The following SUSD5 variants were observed in gnomAD, a reference collection of about 807,000 sequenced individuals.
The protein encoded by SUSD5 is sushi domain-containing protein 5.
Under a neutral mutation model 29.5 loss-of-function variants are expected in SUSD5, and 33 were observed. The observed-to-expected ratio is 1.12, with a 90% CI of 0.85 to 1.49. SUSD5 has a LOEUF of 1.49. Ranked by LOEUF, SUSD5 falls within the 40% of genes most tolerant of loss-of-function variation. The pLI, the probability that SUSD5 is intolerant of heterozygous loss-of-function variation, is 0.00. For synonymous variants in SUSD5, 308 were observed against 325.3 expected, an observed-to-expected ratio of 0.95 and a Z score of 0.57; for missense variants, 776 against 800.6, an observed-to-expected ratio of 0.97 and a Z score of 0.37.
intron 4 of SUSD5, among the ~76,000 whole-genome samples, chr3:33,169,024 T>C (rs1419285006): frequency 2.6e-5 from 4 of 152,210 alleles, no homozygotes; most frequent in African/African-American, 9.6e-5. Flanking sequence ...AACCTTCCTG[T>C]ACCTCAGTGT....
chr3:33,208,864 T>C (rs1362747675), intron 2 of SUSD5, among the ~76,000 whole-genome samples: 1 of 152,214 alleles, frequency 6.6e-6, no homozygotes, highest in Non-Finnish European at 1.5e-5. Context: ...AGTGTTACTG[T>C]TACTGCTTCA....
chr3:33,191,933 T>C (rs2031899201), intron 3 of SUSD5, among the ~76,000 whole-genome samples: 4 of 152,194 alleles, frequency 2.6e-5, no homozygotes. Flanking sequence ...GTTAAGATCC[T>C]GTCTCTAAAA....
rs1448814020 is a variant in SUSD5 at position 33,204,557 on chromosome 3, G to A, written c.409+3251C>T. On this transcript the variant is annotated intron_variant, in intron 3 of 4. Coordinates refer to ENST00000309558, the MANE Select transcript of SUSD5 (RefSeq NM_015551.2). This position sits in a 1 kb window ranked among gnomAD's most constrained non-coding sequence, Gnocchi z 4.5. ...AGGATGGTCTCGATCTCCTGACCTC[G>A]TGATACACCCACCTCGGCCTCCCAA... is the stretch of plus-strand genomic sequence containing the variant. Among the ~76,000 whole-genome samples the A allele has an allele frequency of 6.6e-5, 10 of 152,010 alleles. No individual in the cohort carries two copies. The highest frequency in any genetic ancestry group is 2.2e-4 in the African/African-American group (9 of 41,384).
chr3:33,164,504 C>T (rs6781205), intron 4 of SUSD5, among the ~76,000 whole-genome samples: 82,719 of 151,524 alleles, frequency 0.55, 24,209 homozygotes, highest in Middle Eastern at 0.66. Flanking sequence ...GTTTTTATCA[C>T]AATTTTTTTA....
chr3:33,154,043 AAG>A lies in SUSD5; in HGVS notation c.599-12_599-11del. ...TGTGCCTCAGCCTCATCTGGAAGAAAAGAGGGAAAAAACCTCATTAGCTCCAA... is the reference window on the plus strand; with the variant it reads ...TGTGCCTCAGCCTCATCTGGAAGAAAAGGGAAAAAACCTCATTAGCTCCAA... On this transcript the variant is annotated splice_polypyrimidine_tract_variant and intron_variant, in intron 4 of 4. Transcript: ENST00000309558. 6.4e-7 allele frequency: 1 copy of A among 1,560,082 alleles called. No homozygotes were observed. The highest frequency in any genetic ancestry group is 8.6e-7 in the Non-Finnish European group (1 of 1,158,468).
At chr3:33,207,447 T>C (rs2032242699) in intron 3 of SUSD5, among the ~76,000 whole-genome samples, 1 of 152,188 alleles carries the variant, frequency 6.6e-6, no homozygotes, top group Non-Finnish European at 1.5e-5. Context: ...TTATATCTCC[T>C]GAAGCAACCC....
rs1260624956 is a variant in SUSD5, at chr3:33,167,573, T to TC, written c.598+7312dup. ...GGCCCCGAACTAAGCTCTTCCTGTC[T>TC]CCCCAGGTTCGCAGGTCAAGGTCCT... On this transcript the variant is annotated intron_variant, in intron 4 of 4. Transcript: ENST00000309558. The surrounding 1 kb of genome is among the most constrained non-coding windows in gnomAD (Gnocchi z 4.1). Among the ~76,000 whole-genome samples, 4 of 152,100 alleles carry TC rather than the reference T, an allele frequency of 2.6e-5. No individual in the cohort carries two copies. The highest frequency in any genetic ancestry group is 2.9e-5 in the Non-Finnish European group (2 of 68,014).
Position 33,153,573 on chromosome 3 carries a change from C to T in SUSD5, c.1059G>A (p.Lys353=). 6.2e-7 allele frequency: 1 copy of T among 1,614,032 alleles called. No homozygotes were observed. The highest frequency in any genetic ancestry group is 1.3e-5 in the African/African-American group (1 of 75,058). Residue 353 remains lysine (K), a synonymous_variant, in exon 5 of 5, where the codon AAG becomes AAA. Coordinates refer to ENST00000309558, the MANE Select transcript of SUSD5 (RefSeq NM_015551.2). ...CTGGATCTCCTGCCTTGCTGTCATT[C>T]TTGCCCACAAATGGCCCCGAGGGAC... ...TDGPSGPFVG[K]NDSKAGDPVV...
At chr3:33,188,187 T>C (rs958104153) in intron 3 of SUSD5, among the ~76,000 whole-genome samples, 1 of 152,248 alleles carries the variant, frequency 6.6e-6, no homozygotes, top group Non-Finnish European at 1.5e-5. Flanking sequence ...TTAGAACTCA[T>C]ATGAAAGTTG....
chr3:33,186,853 ACTCTCT>A (rs1559451813), intron 3 of SUSD5, among the ~76,000 whole-genome samples: 46 of 152,018 alleles, frequency 3.0e-4, no homozygotes, highest in Admixed American at 6.6e-4. Flanking sequence ...AACTACCTTG[ACTCTCT>A]GAGTCAAGGA....
At chr3:33,195,029 T>C (rs569186296) in intron 3 of SUSD5, among the ~76,000 whole-genome samples, 2 of 152,208 alleles carry the variant, frequency 1.3e-5, no homozygotes, top group South Asian at 2.1e-4. Flanking sequence ...ACCCCGTCTC[T>C]ACTAAAAATA....
intron 3 of SUSD5, among the ~76,000 whole-genome samples, chr3:33,191,634 A>G (rs1461410593): frequency 6.6e-6 from 1 of 151,686 alleles, no homozygotes; most frequent in Non-Finnish European, 1.5e-5. Flanking sequence ...CAAGTTGAAT[A>G]TGAGTGTTTA....
At chr3:33,202,421 T>G (rs1270395700) in intron 3 of SUSD5, among the ~76,000 whole-genome samples, 1 of 152,034 alleles carries the variant, frequency 6.6e-6, no homozygotes, top group South Asian at 2.1e-4. Flanking sequence ...TTTGATGACA[T>G]GAAGGAAGGG....
chr3:33,207,948 C>A (rs778258917), intron 2 of SUSD5, 22 bp from the exon 3 acceptor site: 3 of 1,570,712 alleles, frequency 1.9e-6, no homozygotes, highest in Non-Finnish European at 2.6e-6. Context: ...AAAAAAGGCA[C>A]TGAATGAGGA....
At chr3:33,200,334 G>A (rs914747665) in intron 3 of SUSD5, among the ~76,000 whole-genome samples, 4 of 152,186 alleles carry the variant, frequency 2.6e-5, no homozygotes, top group African/African-American at 9.7e-5. Flanking sequence ...TTTTTAAATA[G>A]CAGCCTAAGC....
chr3:33,166,618 C>T (rs888057856), intron 4 of SUSD5, among the ~76,000 whole-genome samples: 1 of 152,192 alleles, frequency 6.6e-6, no homozygotes, highest in Non-Finnish European at 1.5e-5. Context: ...GCATGTCCCC[C>T]CTGCCTTTGT....
chr3:33,151,704 T>G lies in SUSD5; in HGVS notation c.*1038A>C, dbSNP rs1234316072. 6.6e-6 allele frequency: 1 copy of G among 152,220 alleles called. No homozygotes were observed. The highest frequency in any genetic ancestry group is 2.4e-5 in the African/African-American group (1 of 41,442). The allele number at this position is 152,220 out of a possible 1,614,324, so 9.4% of individuals were successfully genotyped here. On this transcript the variant is annotated 3_prime_UTR_variant, in exon 5 of 5. Transcript: ENST00000309558. Reference sequence around the variant, plus strand: ...TCAAGGACAACTAGGCCACTGCTTCTGAGAGGAAATGGTACTTACTGGTAC... The same window carrying G: ...TCAAGGACAACTAGGCCACTGCTTCGGAGAGGAAATGGTACTTACTGGTAC...
At chr3:33,189,128 C>T (rs1447707605) in intron 3 of SUSD5, among the ~76,000 whole-genome samples, 3 of 152,184 alleles carry the variant, frequency 2.0e-5, no homozygotes, top group Non-Finnish European at 4.4e-5. Flanking sequence ...ATTACTAATA[C>T]ATGGAAATCT....
rs2030967375 is a variant in SUSD5 at position 33,153,473 on chromosome 3, C to T, written c.1159G>A (p.Glu387Lys). 1 of 1,614,012 alleles carries T rather than the reference C, an allele frequency of 6.2e-7. No individual in the cohort carries two copies. The highest frequency in any genetic ancestry group is 8.5e-7 in the Non-Finnish European group (1 of 1,180,018). Residue 387 changes from glutamate (E) to lysine (K), a missense_variant, in exon 5 of 5, where the codon GAA becomes AAA. By Grantham distance (56) the Glu-to-Lys change is moderately conservative (BLOSUM62 1). Transcript: ENST00000309558. ...CCTCTGTCCCCATCTTCTTCCTCTT[C>T]TGCCTCTGTCTTCCTCCAAGCCCCC... The part of the protein sequence containing the change: ...TEGAWRKTEA[E>K]EEEDGDRGDG...
Sources: allele counts gnomAD v4.1 joint callset (sites outside exome capture counted in the v4.1 genomes callset), GRCh38; gene constraint gnomAD v4.1.1; non-coding constraint Gnocchi (gnomAD v3.1); transcripts MANE v1.5; gene names NCBI Gene and HGNC (gene_info 2026-07-23, HGNC 2026-07-21).